The following GPATCH2 variants were observed in gnomAD, a reference collection of about 807,000 sequenced individuals.
The protein encoded by GPATCH2 is G-patch domain containing 2.
Under a neutral mutation model 58.0 loss-of-function variants are expected in GPATCH2, and 51 were observed. That is an observed-to-expected ratio of 0.88 (90% CI 0.70 to 1.11). The LOEUF (loss-of-function observed/expected upper bound fraction) is 1.11, where lower values mean the gene tolerates loss of function less well. Among genes scored for constraint, GPATCH2 ranks in the 50% most tolerant of loss-of-function variants. GPATCH2 has a pLI of 0.00. For synonymous variants in GPATCH2, 222 were observed against 218.5 expected (o/e 1.02, Z -0.14); for missense variants, 625 against 652.2 (o/e 0.96, Z 0.45).
Position 217,519,411 on chromosome 1 carries a change from TA to T in GPATCH2, c.1099-4523del, listed in dbSNP as rs1251670834. On this transcript the variant is annotated intron_variant, in intron 5 of 9. Coordinates refer to ENST00000366935, the MANE Select transcript of GPATCH2 (RefSeq NM_018040.5). ...GTAAAAATTACTTTAGAATTGCTTT[TA>T]AAAGAAATACAAAAAGTGATAATTC... Among the ~76,000 whole-genome samples, 4 of 152,312 alleles carry T rather than the reference TA, an allele frequency of 2.6e-5. No homozygotes were observed. In the East Asian group the frequency reaches 5.8e-4, roughly 22 times the overall value.
intron 8 of GPATCH2, among the ~76,000 whole-genome samples, chr1:217,489,537 T>C (rs1454825370): frequency 2.6e-5 from 4 of 152,232 alleles, no homozygotes; most frequent in African/African-American, 9.6e-5. Context: ...TTTTGTTTGT[T>C]TGTTTTGTCC....
At chr1:217,544,325 G>A (rs778405924) in intron 5 of GPATCH2, among the ~76,000 whole-genome samples, 1 of 152,192 alleles carries the variant, frequency 6.6e-6, no homozygotes, top group Non-Finnish European at 1.5e-5. Flanking sequence ...CCAGGAAGGC[G>A]GAGGTTGCAG....
intron 9 of GPATCH2, among the ~76,000 whole-genome samples, chr1:217,433,632 G>T (rs113755374): frequency 1.4e-4 from 21 of 152,206 alleles, no homozygotes; most frequent in African/African-American, 5.1e-4. Flanking sequence ...CTCACCTCAG[G>T]TGATCCACCT....
intron 8 of GPATCH2, among the ~76,000 whole-genome samples, chr1:217,451,300 AT>A (rs984460914): frequency 3.5e-4 from 54 of 152,326 alleles, no homozygotes; most frequent in Admixed American, 2.0e-3. Flanking sequence ...TTGAATGCTA[AT>A]TCTATGGAAT....
chr1:217,580,031 A>T (rs1571955129), intron 5 of GPATCH2, among the ~76,000 whole-genome samples: 1 of 152,154 alleles, frequency 6.6e-6, no homozygotes, highest in African/African-American at 2.4e-5. Flanking sequence ...ATATGTCATA[A>T]TTTTTGCTAC....
intron 5 of GPATCH2, among the ~76,000 whole-genome samples, chr1:217,589,115 T>C (rs1305371928): frequency 6.6e-6 from 1 of 152,046 alleles, no homozygotes; most frequent in African/African-American, 2.4e-5. Context: ...TTCACTCCTG[T>C]TTGGTAGTAT....
intron 5 of GPATCH2, among the ~76,000 whole-genome samples, chr1:217,529,317 T>C (rs1664072625): frequency 6.6e-6 from 1 of 152,164 alleles, no homozygotes; most frequent in African/African-American, 2.4e-5. Context: ...CATAATGGTA[T>C]TGGGAGGTGG....
At chr1:217,625,493 T>C (rs961782884) in intron 1 of GPATCH2, among the ~76,000 whole-genome samples, 10 of 152,104 alleles carry the variant, frequency 6.6e-5, no homozygotes, top group Non-Finnish European at 1.0e-4. Flanking sequence ...CCCCGAGAAA[T>C]AAACAGTCAA....
intron 5 of GPATCH2, among the ~76,000 whole-genome samples, chr1:217,567,843 G>T: frequency 6.6e-6 from 1 of 152,304 alleles, no homozygotes; most frequent in African/African-American, 2.4e-5. Flanking sequence ...ATGGCCAGGC[G>T]TGGTGGCTCA....
chr1:217,558,685 G>A (rs1315125398), intron 5 of GPATCH2, among the ~76,000 whole-genome samples: 6 of 152,042 alleles, frequency 3.9e-5, no homozygotes, highest in Non-Finnish European at 7.4e-5. Flanking sequence ...GTGGTGGCTC[G>A]CACCTGTAAT....
intron 5 of GPATCH2, among the ~76,000 whole-genome samples, chr1:217,572,000 AGAAG>A (rs71166011): frequency 0.034 from 4,647 of 135,188 alleles, 99 homozygotes; most frequent in East Asian, 0.12. Context: ...AAGGAAGGAA[AGAAG>A]GAAGGAAGGA....
chr1:217,586,908 A>G (rs912391669), intron 5 of GPATCH2, among the ~76,000 whole-genome samples: 15 of 152,298 alleles, frequency 9.8e-5, no homozygotes, highest in African/African-American at 3.4e-4. Context: ...GGCCGCATAC[A>G]CTGTACTATA....
chr1:217,455,731 C>T (rs1244771476), intron 8 of GPATCH2, among the ~76,000 whole-genome samples: 11 of 152,092 alleles, frequency 7.2e-5, no homozygotes, highest in Admixed American at 7.2e-4. Flanking sequence ...ACCCTCAAGC[C>T]TGGAAACCTA....
At chr1:217,436,702 A>G (rs1379380428) in intron 9 of GPATCH2, among the ~76,000 whole-genome samples, 3 of 152,174 alleles carry the variant, frequency 2.0e-5, no homozygotes, top group African/African-American at 7.2e-5. Context: ...ATGCTTCTGT[A>G]TCCATAATTT....
At chr1:217,467,071 G>T (rs917541349) in intron 8 of GPATCH2, among the ~76,000 whole-genome samples, 1 of 152,186 alleles carries the variant, frequency 6.6e-6, no homozygotes, top group South Asian at 2.1e-4. Flanking sequence ...TACTCAGGAG[G>T]CTGAGGCAGG....
At chr1:217,549,782 T>C (rs890875774) in intron 5 of GPATCH2, among the ~76,000 whole-genome samples, 1 of 152,098 alleles carries the variant, frequency 6.6e-6, no homozygotes, top group Admixed American at 6.5e-5. Context: ...AGCAAATCAA[T>C]CCATAAACTA....
intron 5 of GPATCH2, among the ~76,000 whole-genome samples, chr1:217,581,312 T>C (rs539052472): frequency 1.3e-5 from 2 of 152,302 alleles, no homozygotes; most frequent in African/African-American, 2.4e-5. Context: ...AAATAAACTT[T>C]AATGCCTAGC....
At chr1:217,544,500 T>A (rs1230037443) in intron 5 of GPATCH2, among the ~76,000 whole-genome samples, 1 of 152,200 alleles carries the variant, frequency 6.6e-6, no homozygotes, top group Non-Finnish European at 1.5e-5. Context: ...CTTTGTCAGC[T>A]CTTCTCTCCA....
At chr1:217,572,087 A>C (rs550101156) in intron 5 of GPATCH2, among the ~76,000 whole-genome samples, 1 of 152,102 alleles carries the variant, frequency 6.6e-6, no homozygotes, top group Admixed American at 6.5e-5. Context: ...AAAAAGATAT[A>C]AGAAATGTGC....
Sources: gnomAD v4.1 joint callset for allele counts (sites outside exome capture counted in the v4.1 genomes callset) on GRCh38, gnomAD v4.1.1 for gene constraint, MANE v1.5 for transcripts, NCBI Gene and HGNC (gene_info 2026-07-23, HGNC 2026-07-21) for gene names.